The following HELQ variants were observed in gnomAD, a reference collection of about 807,000 sequenced individuals.
The protein encoded by HELQ is helicase, POLQ like.
HELQ carries 77 observed loss-of-function variants against 111.6 expected under a neutral mutation model. The ratio of observed to expected loss-of-function variants is 0.69; its 90% CI spans 0.57 to 0.83. HELQ has a LOEUF of 0.83. HELQ is among the 40% of genes least tolerant of loss of function. The pLI is 0.00. For synonymous variants in HELQ, 438 were observed against 454.7 expected (o/e 0.96, Z 0.47); for missense variants, 1,200 against 1,288.5 (o/e 0.93, Z 1.05).
chr4:83,444,097 A>G (rs1315059684), intron 5 of HELQ, among the ~76,000 whole-genome samples: 1 of 152,194 alleles, frequency 6.6e-6, no homozygotes, highest in Non-Finnish European at 1.5e-5. Context: ...GCATTTGAAG[A>G]ATGAAATTTT....
intron 2 of HELQ, among the ~76,000 whole-genome samples, chr4:83,452,067 T>A (rs190110256): frequency 6.6e-6 from 1 of 152,158 alleles, no homozygotes. Context: ...ATGACACATA[T>A]CTGAAATATA....
intron 12 of HELQ, 101 bp downstream of exon 12, chr4:83,429,423 A>T: frequency 1.2e-6 from 1 of 861,874 alleles, no homozygotes; most frequent in Non-Finnish European, 1.8e-6. Context: ...TGTTGGGATT[A>T]CAGGCGTGAG....
In HELQ at chr4:83,443,535, A is replaced by G. The variant is rs1209937622; in HGVS notation, c.1545T>C (p.Tyr515=). 2 of 1,551,194 alleles carry G rather than the reference A, an allele frequency of 1.3e-6. No homozygotes were observed. The highest frequency in any genetic ancestry group is 1.7e-4 in the Middle Eastern group (1 of 5,906). The part of the protein sequence containing the change: ...DLQKFLQAEY[Y]TSQFRPVELK... ...TACATACTGGTCTAAATTGACTGGT[A>G]TAATATTCTGCTTGAAGAAACTTTT... The change falls in exon 6 of 18, where the codon TAT becomes TAC. Residue 515 remains tyrosine, a synonymous_variant. Coordinates refer to ENST00000295488, the MANE Select transcript of HELQ (RefSeq NM_133636.5).
chr4:83,450,583 C>T (rs1431208872), intron 2 of HELQ, among the ~76,000 whole-genome samples: 1 of 151,640 alleles, frequency 6.6e-6, no homozygotes, highest in African/African-American at 2.4e-5. Flanking sequence ...TATAACTTAA[C>T]CATAGCCACA....
chr4:83,414,402 T>A (rs1739261218), intron 17 of HELQ, among the ~76,000 whole-genome samples: 1 of 152,172 alleles, frequency 6.6e-6, no homozygotes, highest in Non-Finnish European at 1.5e-5. Flanking sequence ...TCAAATGTAT[T>A]CCTTCCTGAA....
rs1179246238 is a variant in HELQ at position 83,455,602 on chromosome 4, G to A, written c.92C>T (p.Ala31Val). 2.5e-6 allele frequency: 4 copies of A among 1,613,946 alleles called. No homozygotes were observed. The highest frequency in any genetic ancestry group is 3.4e-6 in the Non-Finnish European group (4 of 1,180,012). Residue 31 changes from alanine (A) to valine (V), a missense_variant, in exon 1 of 18, where the codon GCG (alanine) becomes GTG (valine). Transcript: ENST00000295488. ...CTCATCTCCGGGCACGAGCTCGGCC[G>A]CGGTGGGAGCGCCAAAAATACACCC... Reference protein sequence around the residue: ...SLGCIFGAPTAAELVPGDEGK... With the variant: ...SLGCIFGAPTVAELVPGDEGK...
At chr4:83,422,398 T>C (rs1011407461) in intron 14 of HELQ, among the ~76,000 whole-genome samples, 1 of 152,112 alleles carries the variant, frequency 6.6e-6, no homozygotes, top group African/African-American at 2.4e-5. Flanking sequence ...AACAAGATAT[T>C]TGCAGATACA....
At chr4:83,432,521 C>T (rs1046158687) in intron 9 of HELQ, among the ~76,000 whole-genome samples, 1 of 151,978 alleles carries the variant, frequency 6.6e-6, no homozygotes, top group South Asian at 2.1e-4. Flanking sequence ...AGTTAACTGA[C>T]TTATCCTAAA....
chr4:83,419,239 A>C (rs1458356881), intron 15 of HELQ, among the ~76,000 whole-genome samples: 2 of 149,334 alleles, frequency 1.3e-5, no homozygotes, highest in East Asian at 2.0e-4. Flanking sequence ...TTCTTCTTCC[A>C]ATGTGGCCCA....
rs745711054 is a variant in HELQ, at chr4:83,455,752, T to A, written c.-59A>T. The stretch of plus-strand genomic sequence containing the variant: ...CTCAGTGACCCAGACGCTAAGCCCA[T>A]ATGGAAGGGAGAGTGGGACGCCGGA... On this transcript the variant is annotated 5_prime_UTR_variant, in exon 1 of 18. It removes an upstream start codon present in the reference 5' UTR. Coordinates refer to ENST00000295488, the MANE Select transcript of HELQ (RefSeq NM_133636.5). 2 of 1,510,712 alleles carry A rather than the reference T, an allele frequency of 1.3e-6. No homozygotes were observed. The highest frequency in any genetic ancestry group is 9.0e-7 in the Non-Finnish European group (1 of 1,112,634). The allele number at this position is 1,510,712 out of a possible 1,614,324, so 93.6% of individuals were successfully genotyped here.
At chr4:83,418,045 T>C in intron 16 of HELQ, 48 bp downstream of exon 16, 1 of 993,472 alleles carries the variant, frequency 1.0e-6, no homozygotes, top group South Asian at 1.6e-5. Flanking sequence ...ACCTGGCTTC[T>C]GTATTAATTC....
chr4:83,450,031 AC>A, intron 2 of HELQ, among the ~76,000 whole-genome samples: 1 of 151,860 alleles, frequency 6.6e-6, no homozygotes, highest in East Asian at 1.9e-4. Flanking sequence ...TGGTAGTATT[AC>A]TTTTGGGATT....
rs750974512 is a variant in HELQ at position 83,453,906 on chromosome 4, T to TGAA, written c.336_337insTTC (p.Asp112_Ser113insPhe). 8 of 1,613,488 alleles carry TGAA rather than the reference T, an allele frequency of 5.0e-6. No homozygotes were observed. In the South Asian group the frequency reaches 6.6e-5, roughly 13 times the overall value. ...GCTATAAAGGAGTTTTCAGTAAAGC[T>TGAA]ATCATAGTCACCAAACATGTCCACT... is the stretch of plus-strand genomic sequence containing the variant. On this transcript the variant is annotated inframe_insertion, in exon 2 of 18. Transcript: ENST00000295488.
chr4:83,427,356 A>C (rs1328814865), intron 13 of HELQ, among the ~76,000 whole-genome samples: 1 of 152,188 alleles, frequency 6.6e-6, no homozygotes, highest in African/African-American at 2.4e-5. Flanking sequence ...TAATCACTTC[A>C]TAAAAAGCAT....
intron 14 of HELQ, among the ~76,000 whole-genome samples, chr4:83,422,184 C>T (rs996706512): frequency 1.3e-5 from 2 of 152,108 alleles, no homozygotes; most frequent in African/African-American, 4.8e-5. Context: ...AGCACCACTG[C>T]ACTCAGCCTG....
intron 17 of HELQ, among the ~76,000 whole-genome samples, chr4:83,410,615 T>C (rs4693623): frequency 0.54 from 82,204 of 152,034 alleles, 23,928 homozygotes; most frequent in African/African-American, 0.74. Flanking sequence ...AAGTCCTGTA[T>C]GGGATTAGTG....
rs1251269708 is a variant in HELQ, at chr4:83,448,910, A to G, written c.1064T>C (p.Leu355Ser). The G allele has an allele frequency of 3.1e-6, 5 of 1,612,310 alleles. No homozygotes were observed. The highest frequency in any genetic ancestry group is 1.7e-5 in the Admixed American group (1 of 59,940). The change falls in exon 3 of 18, where the codon TTA (leucine) becomes TCA (serine). Residue 355 changes from leucine to serine, a missense_variant. Leu to Ser is a moderately radical substitution (Grantham distance 145). Around this residue, in one of 3 missense-constraint regions of HELQ, gnomAD observed 610 missense variants for 607.1 expected, o/e 1.00. Transcript: ENST00000295488. ...ACCACTTGTTGGCAAGGAATATATT[A>G]AATTTTTTCTTTCTTGCACAGAATT... ...TLNSVQERKNLIYSLPTSGGK... is the reference protein window; with the variant it reads ...TLNSVQERKNSIYSLPTSGGK...
intron 16 of HELQ, 139 bp from the exon 17 acceptor site, chr4:83,417,004 G>A (rs1425037562): frequency 1.4e-6 from 1 of 721,110 alleles, no homozygotes; most frequent in East Asian, 2.8e-5. Context: ...CAAGACATGA[G>A]AATACTGAGG....
chr4:83,422,077 G>A (rs747480284), intron 14 of HELQ, among the ~76,000 whole-genome samples: 39 of 151,656 alleles, frequency 2.6e-4, no homozygotes, highest in Admixed American at 9.2e-4. Flanking sequence ...AACAAAAAAC[G>A]TGGCCGGGTG....
Sources: allele counts gnomAD v4.1 joint callset (sites outside exome capture counted in the v4.1 genomes callset), GRCh38; gene constraint gnomAD v4.1.1; regional missense constraint gnomAD v4.1.1; transcripts MANE v1.5; gene names NCBI Gene and HGNC (gene_info 2026-07-23, HGNC 2026-07-21).